The following CD200 variants were observed in gnomAD, a reference collection of about 807,000 sequenced individuals.
The protein encoded by CD200 is CD200 molecule, also known as OX-2 membrane glycoprotein.
In CD200, 15 loss-of-function variants were observed where a neutral mutation model predicts 30.9. The ratio of observed to expected loss-of-function variants is 0.49; its 90% CI spans 0.32 to 0.75. The LOEUF is 0.75. Ranked by LOEUF, CD200 falls within the 30% of genes least tolerant of loss-of-function variation. The pLI, the probability that CD200 is intolerant of heterozygous loss-of-function variation, is 0.03. For missense variants in CD200, 262 were observed against 324.2 expected (o/e 0.81, Z 1.47); for synonymous variants, 134 against 126.2 (o/e 1.06, Z -0.41).
intron 5 of CD200, 119 bp from the exon 6 acceptor site, chr3:112,361,424 T>C: frequency 1.2e-6 from 1 of 847,360 alleles, no homozygotes; most frequent in Non-Finnish European, 2.0e-6. Flanking sequence ...TCTTTGCCAA[T>C]GAATATACAC....
At chr3:112,359,496 AT>A (rs920890645) in intron 5 of CD200, among the ~76,000 whole-genome samples, 5 of 152,226 alleles carry the variant, frequency 3.3e-5, no homozygotes, top group Non-Finnish European at 7.3e-5. Context: ...GTGTTCTTAA[AT>A]ATTTAAATGG....
At chr3:112,358,174 G>A (rs1397601011) in intron 5 of CD200, among the ~76,000 whole-genome samples, 1 of 152,240 alleles carries the variant, frequency 6.6e-6, no homozygotes, top group Admixed American at 6.5e-5. Context: ...TGTTTGGGAT[G>A]TGGGGGGAAC....
At chr3:112,349,181 T>C (rs1484627657) in intron 4 of CD200, among the ~76,000 whole-genome samples, 3 of 152,224 alleles carry the variant, frequency 2.0e-5, no homozygotes, top group African/African-American at 7.2e-5. Flanking sequence ...ATATTTAGGC[T>C]GAGTTGCATT....
At chr3:112,334,080 G>T (rs9868582) in intron 1 of CD200, 442,707 of 984,438 alleles carry the variant, frequency 0.45, 99,854 homozygotes, top group East Asian at 0.49. Context: ...GAGAATGGTG[G>T]TCTGTGAGCT....
intron 3 of CD200, among the ~76,000 whole-genome samples, chr3:112,347,355 A>G (rs574173329): frequency 9.2e-5 from 14 of 152,362 alleles, no homozygotes; most frequent in African/African-American, 3.4e-4. Context: ...ACAGGTTTGT[A>G]CTAGGCCAGT....
intron 5 of CD200, among the ~76,000 whole-genome samples, chr3:112,353,038 A>G (rs1336751793): frequency 1.3e-5 from 2 of 152,228 alleles, no homozygotes; most frequent in African/African-American, 4.8e-5. Flanking sequence ...ACTTTAAAAC[A>G]GTAAGTGAGA....
chr3:112,348,062 A>G (rs1264804403), intron 4 of CD200, among the ~76,000 whole-genome samples: 2 of 152,230 alleles, frequency 1.3e-5, no homozygotes, highest in East Asian at 3.8e-4. Context: ...GCTGAGATCC[A>G]TTCATTTATT....
intron 1 of CD200, chr3:112,333,958 A>G (rs1158688413): frequency 7.1e-6 from 7 of 984,876 alleles, no homozygotes; most frequent in Non-Finnish European, 8.4e-6. Flanking sequence ...TCCAAATACA[A>G]TGGTATTGGT....
In CD200 at chr3:112,340,928, G is replaced by T; in HGVS notation, c.39G>T (p.Leu13=). 6.2e-7 allele frequency: 1 copy of T among 1,611,682 alleles called. No individual in the cohort carries two copies. The highest frequency in any genetic ancestry group is 1.1e-5 in the South Asian group (1 of 90,986). The change falls in exon 2 of 6, where the codon CTG becomes CTT. Residue 13 remains leucine, a synonymous_variant. Transcript: ENST00000315711. ...RLVIRMPFSH[L]STYSLVWVMA... is the part of the protein sequence containing the mutation. Reference sequence around the variant, plus strand: ...TGATCAGGATGCCCTTCTCTCATCTGTCTACCTACAGCCTGGTTTGGGTCA... The same window carrying T: ...TGATCAGGATGCCCTTCTCTCATCTTTCTACCTACAGCCTGGTTTGGGTCA...
intron 2 of CD200, among the ~76,000 whole-genome samples, chr3:112,341,831 C>T (rs1214776905): frequency 6.6e-6 from 1 of 152,174 alleles, no homozygotes; most frequent in East Asian, 1.9e-4. Flanking sequence ...TTCTTCAAAT[C>T]TCTGGTCTGC....
intron 2 of CD200, among the ~76,000 whole-genome samples, chr3:112,342,406 TTTCTTTCTTTCTTTCTTTCTTTC>T (rs2081284502): frequency 5.6e-5 from 4 of 71,016 alleles, no homozygotes; most frequent in African/African-American, 2.1e-4. Context: ...TCTTTCTTTC[TTTCTTTCTTTCTTTCTTTCTTTC>T]TTCTCTCTCT....
chr3:112,342,304 TCC>T (rs2081257395), intron 2 of CD200, among the ~76,000 whole-genome samples: 1 of 50,012 alleles, frequency 2.0e-5, no homozygotes, highest in Admixed American at 1.8e-4. Context: ...CTTCCTTCCT[TCC>T]TTTCTTCTTT....
chr3:112,333,609 C>T, intron 1 of CD200: 1 of 985,448 alleles, frequency 1.0e-6, no homozygotes, highest in Non-Finnish European at 1.2e-6. Context: ...CTATTTTAAA[C>T]TGCCCCCAAA....
At chr3:112,357,205 G>A (rs1182031171) in intron 5 of CD200, among the ~76,000 whole-genome samples, 1 of 146,302 alleles carries the variant, frequency 6.8e-6, no homozygotes, top group East Asian at 2.0e-4. Context: ...AGCTTGCAGT[G>A]AGCAGAGATC....
At chr3:112,351,076 C>T (rs1458245946) in intron 5 of CD200, among the ~76,000 whole-genome samples, 1 of 152,132 alleles carries the variant, frequency 6.6e-6, no homozygotes, top group Non-Finnish European at 1.5e-5. Context: ...AGACAGAAGT[C>T]TGTTTGATTC....
At chr3:112,338,223 C>T (rs1005806985) in intron 1 of CD200, among the ~76,000 whole-genome samples, 16 of 151,956 alleles carry the variant, frequency 1.1e-4, no homozygotes, top group African/African-American at 3.6e-4. Flanking sequence ...ACTTCACATG[C>T]GAGAATCTAA....
chr3:112,361,521 A>T, intron 5 of CD200, 22 bp from the exon 6 acceptor site: 1 of 1,584,226 alleles, frequency 6.3e-7, no homozygotes, highest in Non-Finnish European at 8.7e-7. Context: ...CAAAGTTAAT[A>T]CCTTGTTTTT....
chr3:112,352,759 G>A (rs1023151280), intron 5 of CD200, among the ~76,000 whole-genome samples: 1 of 152,124 alleles, frequency 6.6e-6, no homozygotes, highest in Non-Finnish European at 1.5e-5. Flanking sequence ...TTTATTTTAG[G>A]TCATAATCAC....
At position 112,344,963 on chromosome 3, in the gene CD200, G is replaced by A. The variant is rs1402027667; in HGVS notation, c.96G>A (p.Val32=). 1 of 1,606,060 alleles carries A rather than the reference G, an allele frequency of 6.2e-7. No individual in the cohort carries two copies. Among genetic ancestry groups the A allele is most frequent in the African/African-American group, 1.3e-5 (1 of 74,640 alleles). The change falls in exon 3 of 6, where the codon GTG becomes GTA. Residue 32 remains valine (V), a splice_region_variant and synonymous_variant. Coordinates refer to ENST00000315711, the MANE Select transcript of CD200 (RefSeq NM_005944.7). ...MAAVVLCTAQ[V]QVVTQDEREQ... is the part of the protein sequence containing the mutation. ...AAATGTTCTTTTATGATTCCATAGT[G>A]CAAGTGGTGACCCAGGATGAAAGAG...
Sources: gnomAD v4.1 joint callset for allele counts (sites outside exome capture counted in the v4.1 genomes callset) on GRCh38, gnomAD v4.1.1 for gene constraint, MANE v1.5 for transcripts, NCBI Gene and HGNC (gene_info 2026-07-23, HGNC 2026-07-21) for gene names.